USB1: variants seen among roughly 807,000 people sequenced by gnomAD.
USB1 encodes U6 snRNA biogenesis phosphodiesterase 1, also known as U6 snRNA phosphodiesterase 1.
USB1 carries 21 observed loss-of-function variants against 29.9 expected under a neutral mutation model. The observed-to-expected ratio is 0.70, with a 90% CI of 0.50 to 1.01. USB1 has a LOEUF of 1.01. Ranked by LOEUF, USB1 falls within the 50% of genes least tolerant of loss-of-function variation. USB1 has a pLI of 0.00. For missense variants in USB1, 330 were observed against 347.1 expected (o/e 0.95, Z 0.39); for synonymous variants, 143 against 134.9 (o/e 1.06, Z -0.42).
chr16:58,016,464 G>T (rs964347235), intron 4 of USB1: 2 of 153,040 alleles, frequency 1.3e-5, no homozygotes, highest in Non-Finnish European at 2.9e-5. Flanking sequence ...AATGTGGGCA[G>T]TGTTGGCCTG....
At chr16:58,019,156 G>A (rs1963685643) in intron 6 of USB1, 101 bp downstream of exon 6, 1 of 1,208,386 alleles carries the variant, frequency 8.3e-7, no homozygotes, top group Non-Finnish European at 1.2e-6. Context: ...TGAATCCCTG[G>A]GAAACAAATG....
rs571567934 is a variant in USB1 at position 58,011,383 on chromosome 16, C to T, written c.449+1271C>T. The T allele has an allele frequency of 2.4e-4, 287 of 1,213,348 alleles. 6 individuals carry two copies. The South Asian group carries it at 8.3e-3, about 35-fold the overall frequency. 75.2% of individuals were successfully genotyped at this position (1,213,348 alleles called of 1,614,324 possible). On this transcript the variant is annotated intron_variant, in intron 3 of 6. Transcript: ENST00000219281. Reference sequence around the variant, plus strand: ...CCCCACTTCTGGTTTTGTCTGCCAGCCTGGGGCTTTTTTTTTCCCCTTACC... The same window carrying T: ...CCCCACTTCTGGTTTTGTCTGCCAGTCTGGGGCTTTTTTTTTCCCCTTACC...
At chr16:58,003,304 A>G (rs951109101) in intron 2 of USB1, among the ~76,000 whole-genome samples, 8 of 152,120 alleles carry the variant, frequency 5.3e-5, no homozygotes, top group Non-Finnish European at 1.0e-4. Context: ...GCACACGCCT[A>G]TGGTTCCCAC....
intron 5 of USB1, among the ~76,000 whole-genome samples, chr16:58,018,406 TAG>T (rs1185779975): frequency 6.6e-6 from 1 of 152,130 alleles, no homozygotes; most frequent in Non-Finnish European, 1.5e-5. Context: ...GTATTTTTAG[TAG>T]AGACGGGGTT....
intron 3 of USB1, chr16:58,012,206 C>T (rs1042964685): frequency 1.2e-5 from 18 of 1,499,208 alleles, no homozygotes; most frequent in Middle Eastern, 1.9e-4. Context: ...TCCAGACACT[C>T]GGCCAGGGAA....
intron 2 of USB1, among the ~76,000 whole-genome samples, chr16:58,009,711 C>T (rs1302263907): frequency 1.4e-5 from 2 of 143,782 alleles, no homozygotes; most frequent in Non-Finnish European, 3.0e-5. Flanking sequence ...GGCGGCAGAG[C>T]AAGACTCCTT....
At chr16:58,005,741 A>G (rs1223707732) in intron 2 of USB1, among the ~76,000 whole-genome samples, 1 of 152,204 alleles carries the variant, frequency 6.6e-6, no homozygotes, top group African/African-American at 2.4e-5. Context: ...CTTGCCACCC[A>G]CAACATCTCT....
At chr16:58,009,838 T>C (rs1963447700) in intron 2 of USB1, 91 bp from the exon 3 acceptor site, 2 of 1,489,424 alleles carry the variant, frequency 1.3e-6, no homozygotes, top group African/African-American at 2.8e-5. Flanking sequence ...CCCAGAGTAA[T>C]AAGGACTTCC....
In USB1 at chr16:58,013,240, G is replaced by C; in HGVS notation, c.450-1033G>C. On this transcript the variant is annotated intron_variant, in intron 3 of 6. Transcript: ENST00000219281. The surrounding 1 kb of genome is among the most constrained non-coding windows in gnomAD (Gnocchi z 4.3). ...TACCAGGAGAAGGAGTTTTGGTTGGGCACAGACATCCAGTGTCCACTCCAG... is the reference window on the plus strand; with the variant it reads ...TACCAGGAGAAGGAGTTTTGGTTGGCCACAGACATCCAGTGTCCACTCCAG... The C allele has an allele frequency of 1.0e-6, 1 of 985,418 alleles. No homozygotes were observed. The highest frequency in any genetic ancestry group is 1.2e-6 in the Non-Finnish European group (1 of 829,958). The allele number at this position is 985,418 out of a possible 1,614,324, so 61.0% of individuals were successfully genotyped here.
intron 4 of USB1, chr16:58,016,073 G>C (rs1163544241): frequency 6.5e-6 from 1 of 153,172 alleles, no homozygotes; most frequent in Non-Finnish European, 1.5e-5. Context: ...ATAGAAGGGA[G>C]CAAGAGTGGA....
chr16:58,011,648 G>T (rs1229002262), intron 3 of USB1: 1 of 988,580 alleles, frequency 1.0e-6, no homozygotes, highest in East Asian at 1.1e-4. Context: ...TGGCCCTGTG[G>T]TTGTTTCACA....
Position 58,014,298 on chromosome 16 carries a change from A to G in USB1, c.475A>G (p.Lys159Glu). ...HRFFFTANQV[K>E]IYTNQEKTRT... Reference sequence around the variant, plus strand: ...ATTCTTCTTTACTGCCAACCAGGTAAAGATTTACACCAATCAAGAGAAAAC... The same window carrying G: ...ATTCTTCTTTACTGCCAACCAGGTAGAGATTTACACCAATCAAGAGAAAAC... Residue 159 changes from lysine to glutamate, a missense_variant, in exon 4 of 7, where the codon AAG (lysine) becomes GAG (glutamate). Coordinates refer to ENST00000219281, the MANE Select transcript of USB1 (RefSeq NM_024598.4). 6.2e-7 allele frequency: 1 copy of G among 1,613,994 alleles called. No homozygotes were observed. Among genetic ancestry groups the G allele is most frequent in the Non-Finnish European group, 8.5e-7 (1 of 1,179,898 alleles).
chr16:58,010,234 T>A (rs1464044069), intron 3 of USB1, 122 bp downstream of exon 3: 28 of 1,203,352 alleles, frequency 2.3e-5, no homozygotes, highest in Non-Finnish European at 3.2e-5. Flanking sequence ...ACGGCCCCTC[T>A]CCTGGGGCTG....
At chr16:58,005,777 T>C (rs1276930373) in intron 2 of USB1, among the ~76,000 whole-genome samples, 1 of 152,204 alleles carries the variant, frequency 6.6e-6, no homozygotes, top group East Asian at 1.9e-4. Context: ...TTCTTTGATT[T>C]CTTTCATCAG....
intron 3 of USB1, among the ~76,000 whole-genome samples, chr16:58,010,368 C>T (rs1177065997): frequency 6.6e-6 from 1 of 152,202 alleles, no homozygotes; most frequent in Non-Finnish European, 1.5e-5. Flanking sequence ...TCAGTACTTC[C>T]AGCACTTCTG....
rs536981078 is a variant in USB1 at position 58,020,018 on chromosome 16, C to T, written c.694-123C>T. The stretch of plus-strand genomic sequence containing the variant: ...TCAGACAAGATCACCAATGCAGAGC[C>T]TGGAGCCTGCAGCCTCAGCCTCGCC... On this transcript the variant is annotated intron_variant, in intron 6 of 6. Transcript: ENST00000219281. 111 of 851,710 alleles carry T rather than the reference C, an allele frequency of 1.3e-4. No individual in the cohort carries two copies. In the African/African-American group the frequency reaches 1.8e-3, roughly 14 times the overall value. 52.8% of individuals were successfully genotyped at this position (851,710 alleles called of 1,614,324 possible).
Position 58,013,385 on chromosome 16 carries a change from C to G in USB1, c.450-888C>G. Reference sequence around the variant, plus strand: ...GAGAGTTGGCTGACTGACTTTTGCCCTTGGGCAGATTGTGAGGCTCTACCC... The same window carrying G: ...GAGAGTTGGCTGACTGACTTTTGCCGTTGGGCAGATTGTGAGGCTCTACCC... On this transcript the variant is annotated intron_variant, in intron 3 of 6. Transcript: ENST00000219281. The surrounding 1 kb of genome is among the most constrained non-coding windows in gnomAD (Gnocchi z 4.3). 1.0e-6 allele frequency: 1 copy of G among 985,446 alleles called. No homozygotes were observed. 61.0% of individuals were successfully genotyped at this position (985,446 alleles called of 1,614,324 possible). A position where few individuals can be genotyped will look rare whatever the true frequency, so the allele number is the denominator to read the frequency against.
At chr16:58,020,086 T>C (rs1889885280) in intron 6 of USB1, 55 bp from the exon 7 acceptor site, 6 of 1,578,372 alleles carry the variant, frequency 3.8e-6, no homozygotes, top group African/African-American at 1.3e-5. Context: ...TGCAGTGCCC[T>C]GTGGGTCCCA....
intron 3 of USB1, chr16:58,011,033 T>A: frequency 1.4e-6 from 1 of 721,536 alleles, no homozygotes; most frequent in Non-Finnish European, 2.5e-6. Context: ...ATCCAGGACC[T>A]CATTGCCTCA....
Sources: allele counts gnomAD v4.1 joint callset (sites outside exome capture counted in the v4.1 genomes callset), GRCh38; gene constraint gnomAD v4.1.1; non-coding constraint Gnocchi (gnomAD v3.1); transcripts MANE v1.5; gene names NCBI Gene and HGNC (gene_info 2026-07-23, HGNC 2026-07-21).